Variants in CIITA observed in about 807,000 individuals in gnomAD.
CIITA encodes the protein class II major histocompatibility complex transactivator.
Under a neutral mutation model 115.1 loss-of-function variants are expected in CIITA, and 72 were observed. The ratio of observed to expected loss-of-function variants is 0.63; its 90% CI spans 0.52 to 0.76. The LOEUF (loss-of-function observed/expected upper bound fraction) is 0.76, where lower values mean the gene tolerates loss of function less well. CIITA is among the 30% of genes least tolerant of loss of function. The probability of loss-of-function intolerance (pLI) is 0.00; values close to 1 mark genes in which losing one functional copy is unlikely to be tolerated. For synonymous variants in CIITA, 763 were observed against 635.6 expected, an observed-to-expected ratio of 1.20 and a Z score of -3.02; for missense variants, 1,617 against 1,463.8, an observed-to-expected ratio of 1.10 and a Z score of -1.71.
chr16:10,895,212 GT>G, intron 1 of CIITA, 69 bp from the exon 2 acceptor site: 1 of 1,583,054 alleles, frequency 6.3e-7, no homozygotes, highest in South Asian at 1.1e-5. Flanking sequence ...GCTGGGAGTT[GT>G]TGTAGGTGTC....
At chr16:10,882,121 G>A (rs1028516093) in intron 1 of CIITA, among the ~76,000 whole-genome samples, 1 of 152,138 alleles carries the variant, frequency 6.6e-6, no homozygotes, top group African/African-American at 2.4e-5. Flanking sequence ...ATCTTGCTAG[G>A]TACATGGGTG....
At chr16:10,888,114 T>A (rs753059935) in intron 1 of CIITA, among the ~76,000 whole-genome samples, 38 of 152,158 alleles carry the variant, frequency 2.5e-4, no homozygotes, top group Non-Finnish European at 4.7e-4. Flanking sequence ...ATAATAAAAA[T>A]GGTCATCACG....
rs543948423 is a variant in CIITA at position 10,879,148 on chromosome 16, G to A, written c.52+1766G>A. On this transcript the variant is annotated intron_variant, in intron 1 of 19. Transcript: ENST00000324288. This position sits in a 1 kb window ranked among gnomAD's most constrained non-coding sequence, Gnocchi z 4.3. ...GGTCACACAGCAAGTCTGGGAGGAT[G>A]GGGGGATGGAATATGCAAAATGTAG... 1 of 181,644 alleles carries A rather than the reference G, an allele frequency of 5.5e-6. No individual in the cohort carries two copies. Among genetic ancestry groups the A allele is most frequent in the Non-Finnish European group, 1.2e-5 (1 of 85,172 alleles). 11.3% of individuals were successfully genotyped at this position (181,644 alleles called of 1,614,324 possible). A position where few individuals can be genotyped will look rare whatever the true frequency, so the allele number is the denominator to read the frequency against.
intron 13 of CIITA, among the ~76,000 whole-genome samples, chr16:10,911,577 C>T (rs2039587170): frequency 6.7e-6 from 1 of 150,346 alleles, no homozygotes; most frequent in Non-Finnish European, 1.5e-5. Context: ...TTTCTTGAGG[C>T]AGAGTCTTAC....
At chr16:10,896,933 G>A (rs2038188372) in intron 3 of CIITA, among the ~76,000 whole-genome samples, 1 of 152,206 alleles carries the variant, frequency 6.6e-6, no homozygotes, top group Admixed American at 6.5e-5. Flanking sequence ...CCCTTCCTGG[G>A]GATTTACATG....
At chr16:10,898,633 C>T (rs773177720) in intron 3 of CIITA, 37 bp from the exon 4 acceptor site, 3 of 1,585,348 alleles carry the variant, frequency 1.9e-6, no homozygotes, top group Admixed American at 3.6e-5. Context: ...TTCAGTTAGA[C>T]CTTGTTGATT....
At position 10,907,224 on chromosome 16, in the gene CIITA, G is replaced by C. The variant is rs151195889; in HGVS notation, c.1732G>C (p.Val578Leu). The change falls in exon 11 of 20, where the codon GTG becomes CTG. Residue 578 changes from valine (V) to leucine (L), a missense_variant. By Grantham distance (32) the Val-to-Leu change is conservative. Coordinates refer to ENST00000324288, the MANE Select transcript of CIITA (RefSeq NM_000246.4). The surrounding 1 kb of genome is among the most constrained non-coding windows in gnomAD (Gnocchi z 5.0). Reference protein sequence around the residue: ...GFSMEQAQAYVMRYFESSGMT... With the variant: ...GFSMEQAQAYLMRYFESSGMT... ...CTCCATGGAGCAGGCCCAGGCATAC[G>C]TGATGCGCTACTTTGAGAGCTCAGG... 8 of 1,613,450 alleles carry C rather than the reference G, an allele frequency of 5.0e-6. No homozygotes were observed. Among genetic ancestry groups the C allele is most frequent in the Non-Finnish European group, 6.8e-6 (8 of 1,179,982 alleles).
In CIITA at chr16:10,898,685, A is replaced by G; in HGVS notation, c.311A>G (p.Tyr104Cys). The stretch of plus-strand genomic sequence containing the variant: ...GTCTGGGCAGCGGAACTGGACCAGT[A>G]TGTCTTCCAGGACTCCCAGCTGGAG... ...AYANIAELDQ[Y>C]VFQDSQLEGL... Residue 104 changes from tyrosine (Y) to cysteine (C), a missense_variant, in exon 4 of 20, where the codon TAT (tyrosine) becomes TGT (cysteine). Tyr to Cys is a radical substitution (Grantham distance 194, BLOSUM62 -2). Transcript: ENST00000324288. The G allele has an allele frequency of 6.2e-7, 1 of 1,611,022 alleles. No homozygotes were observed. The highest frequency in any genetic ancestry group is 8.5e-7 in the Non-Finnish European group (1 of 1,178,886).
At position 10,895,332 on chromosome 16, in the gene CIITA, C is replaced by A. The variant is rs1398734443; in HGVS notation, c.103C>A (p.Leu35Met). 1 of 1,614,114 alleles carries A rather than the reference C, an allele frequency of 6.2e-7. No individual in the cohort carries two copies. Among genetic ancestry groups the A allele is most frequent in the Admixed American group, 1.7e-5 (1 of 60,020 alleles). The change falls in exon 2 of 20, where the codon CTG becomes ATG. Residue 35 changes from leucine to methionine, a missense_variant. Transcript: ENST00000324288. The stretch of plus-strand genomic sequence containing the variant: ...GTTGGGGCCCCTAGAAGGTGGCTAC[C>A]TGGAGCTTCTTAACAGCGATGCTGA... ...MELGPLEGGY[L>M]ELLNSDADPL...
At position 10,880,009 on chromosome 16, in the gene CIITA, A is replaced by G. The variant is rs973186153; in HGVS notation, c.52+2627A>G. ...GTCTTCCGTTTCTGCTCCCCACTCC[A>G]GAGAAAAAATAAATAAATACTTCTC... On this transcript the variant is annotated intron_variant, in intron 1 of 19. Transcript: ENST00000324288. Among the ~76,000 whole-genome samples the G allele has an allele frequency of 2.0e-5, 3 of 152,212 alleles. No individual in the cohort carries two copies. In the East Asian group the frequency reaches 5.8e-4, roughly 29 times the overall value.
Position 10,895,684 on chromosome 16 carries a change from C to T in CIITA, c.215C>T (p.Thr72Ile). ...IELYSEPDTDTINCDQFSRLL... is the reference protein window; with the variant it reads ...IELYSEPDTDIINCDQFSRLL... ...TTCCTCCCAGAACCCGACACAGACA[C>T]CATCAACTGCGACCAGTTCAGCAGG... is the stretch of plus-strand genomic sequence containing the variant. The change falls in exon 3 of 20, where the codon ACC becomes ATC. Residue 72 changes from threonine to isoleucine, a missense_variant. Coordinates refer to ENST00000324288, the MANE Select transcript of CIITA (RefSeq NM_000246.4). 1 of 1,614,154 alleles carries T rather than the reference C, an allele frequency of 6.2e-7. No homozygotes were observed. Among genetic ancestry groups the T allele is most frequent in the Non-Finnish European group, 8.5e-7 (1 of 1,180,022 alleles).
intron 5 of CIITA, among the ~76,000 whole-genome samples, chr16:10,899,687 CTTA>C (rs779807694): frequency 1.3e-5 from 2 of 152,164 alleles, no homozygotes; most frequent in African/African-American, 2.4e-5. Flanking sequence ...TAACTGAGTA[CTTA>C]TTATGGGTCT....
At chr16:10,904,647 A>C in intron 9 of CIITA, 97 bp from the exon 10 acceptor site, 1 of 1,258,388 alleles carries the variant, frequency 7.9e-7, no homozygotes, top group Admixed American at 1.7e-5. Flanking sequence ...TGGGAAACTC[A>C]GCCCATGAAG....
intron 7 of CIITA, 65 bp from the exon 8 acceptor site, chr16:10,902,593 C>A: frequency 6.2e-7 from 1 of 1,605,554 alleles, no homozygotes; most frequent in South Asian, 1.1e-5. Context: ...ATCAAATAAG[C>A]AAAAGCAGAA....
At chr16:10,882,807 G>A (rs2036559057) in intron 1 of CIITA, among the ~76,000 whole-genome samples, 1 of 152,014 alleles carries the variant, frequency 6.6e-6, no homozygotes, top group Middle Eastern at 3.4e-3. Flanking sequence ...TGGTGGAGGA[G>A]AATCGCCTGA....
rs2041111069 is a variant in CIITA at position 10,942,142 on chromosome 16, G to A, written n.1268G>A. ...ACAGAAGCAGGGCCGGGCTCCAGATGTCCCCTGGCAATTGCGCCCCGACCC... is the reference window on the plus strand; with the variant it reads ...ACAGAAGCAGGGCCGGGCTCCAGATATCCCCTGGCAATTGCGCCCCGACCC... On this transcript the variant is annotated non_coding_transcript_exon_variant, in exon 2 of 2. Coordinates refer to the CIITA transcript ENST00000573379. The surrounding 1 kb of genome is among the most constrained non-coding windows in gnomAD (Gnocchi z 5.0). The A allele has an allele frequency of 1.6e-6, 1 of 639,586 alleles. No homozygotes were observed. Among genetic ancestry groups the A allele is most frequent in the Non-Finnish European group, 2.3e-6 (1 of 427,654 alleles). The allele number at this position is 639,586 out of a possible 1,614,324, so 39.6% of individuals were successfully genotyped here. A position where few individuals can be genotyped will look rare whatever the true frequency, so the allele number is the denominator to read the frequency against.
chr16:10,904,738 C>A lies in CIITA; in HGVS notation c.938-6C>A, dbSNP rs1474216874. On this transcript the variant is annotated splice_polypyrimidine_tract_variant and splice_region_variant and intron_variant, in intron 9 of 19. Transcript: ENST00000324288. ...CTAAATCTGGCACCTGCTTCTCCAT[C>A]TCCAGAGCACAAGACGTCCCCCACC... 2 of 1,614,012 alleles carry A rather than the reference C, an allele frequency of 1.2e-6. No individual in the cohort carries two copies. Among genetic ancestry groups the A allele is most frequent in the African/African-American group, 2.7e-5 (2 of 74,934 alleles).
rs1379412501 is a variant in CIITA, at chr16:10,924,483, T to C, written c.*628T>C. ...CTTGACCTCAGGTGATCCACCCACC[T>C]CAGCCTCCCAAAGTGCTGGGATTAC... On this transcript the variant is annotated 3_prime_UTR_variant, in exon 20 of 20. Transcript: ENST00000324288. 1 of 152,332 alleles carries C rather than the reference T, an allele frequency of 6.6e-6. No individual in the cohort carries two copies. Among genetic ancestry groups the C allele is most frequent in the African/African-American group, 2.4e-5 (1 of 41,424 alleles). The allele number at this position is 152,332 out of a possible 1,614,324, so 9.4% of individuals were successfully genotyped here. A position where few individuals can be genotyped will look rare whatever the true frequency, so the allele number is the denominator to read the frequency against.
At chr16:10,882,696 G>A (rs112739844) in intron 1 of CIITA, among the ~76,000 whole-genome samples, 14,577 of 152,062 alleles carry the variant, frequency 0.096, 944 homozygotes, top group Non-Finnish European at 0.15. Flanking sequence ...TCAGGAGTTC[G>A]AGACCAGCCT....
Sources: allele counts gnomAD v4.1 joint callset (sites outside exome capture counted in the v4.1 genomes callset), GRCh38; gene constraint gnomAD v4.1.1; non-coding constraint Gnocchi (gnomAD v3.1); transcripts MANE v1.5; gene names NCBI Gene and HGNC (gene_info 2026-07-23, HGNC 2026-07-21).